BAZ1B: variants seen among roughly 807,000 people sequenced by gnomAD.
The protein encoded by BAZ1B is bromodomain adjacent to zinc finger domain 1B, also known as tyrosine-protein kinase BAZ1B.
Under a neutral mutation model 153.8 loss-of-function variants are expected in BAZ1B, and 22 were observed. The observed-to-expected ratio is 0.14, with a 90% CI of 0.10 to 0.20. BAZ1B has a LOEUF of 0.20. Ranked by LOEUF, BAZ1B falls within the 10% of genes least tolerant of loss-of-function variation. The pLI, the probability that BAZ1B is intolerant of heterozygous loss-of-function variation, is 1.00. For missense variants in BAZ1B, 1,325 were observed against 1,799.3 expected (o/e 0.74, Z 4.77); for synonymous variants, 676 against 633.4 (o/e 1.07, Z -1.01).
chr7:73,453,963 G>GA (rs769885867), intron 13 of BAZ1B, among the ~76,000 whole-genome samples: 20 of 152,146 alleles, frequency 1.3e-4, no homozygotes, highest in Non-Finnish European at 2.9e-4. Flanking sequence ...CTGAGTGACA[G>GA]AGTGAGACCC....
intron 13 of BAZ1B, among the ~76,000 whole-genome samples, chr7:73,452,449 C>T (rs533663630): frequency 5.9e-5 from 9 of 152,094 alleles, no homozygotes; most frequent in Non-Finnish European, 1.0e-4. Flanking sequence ...TTCGGCCGGG[C>T]GTGGTGGCTC....
intron 15 of BAZ1B, among the ~76,000 whole-genome samples, chr7:73,448,480 G>A (rs576948181): frequency 6.6e-6 from 1 of 152,188 alleles, no homozygotes; most frequent in East Asian, 1.9e-4. Flanking sequence ...CTACTCTCAG[G>A]GCATTCATAA....
In BAZ1B at chr7:73,463,101, TAGA is replaced by T; in HGVS notation, c.3072-5_3072-3del. 6.2e-7 allele frequency: 1 copy of T among 1,600,064 alleles called. No individual in the cohort carries two copies. Among genetic ancestry groups the T allele is most frequent in the Non-Finnish European group, 8.5e-7 (1 of 1,174,090 alleles). On this transcript the variant is annotated splice_region_variant and splice_polypyrimidine_tract_variant and intron_variant, in intron 11 of 19. Coordinates refer to ENST00000339594, the MANE Select transcript of BAZ1B (RefSeq NM_032408.4). ...ATAGAGTGAATAATGTCCTGGTACC[TAGA>T]AGATTTGGGACAAGAGAATGGGGAA...
intron 5 of BAZ1B, among the ~76,000 whole-genome samples, chr7:73,490,118 G>A (rs915940277): frequency 6.6e-6 from 1 of 152,088 alleles, no homozygotes; most frequent in African/African-American, 2.4e-5. Flanking sequence ...GAATCATCTA[G>A]GGTACTATTA....
intron 1 of BAZ1B, among the ~76,000 whole-genome samples, chr7:73,515,722 T>G (rs1790771057): frequency 6.6e-6 from 1 of 151,950 alleles, no homozygotes; most frequent in Non-Finnish European, 1.5e-5. Flanking sequence ...ATTTTTTTTG[T>G]AGAGACAGGG....
chr7:73,443,844 TGCCTCCCCA>T, intron 17 of BAZ1B, 131 bp downstream of exon 17: 1 of 1,274,290 alleles, frequency 7.8e-7, no homozygotes, highest in Non-Finnish European at 1.1e-6. Flanking sequence ...CTCACCCATC[TGCCTCCCCA>T]GCCTCCCAAG....
chr7:73,469,087 G>A (rs1451352225), intron 9 of BAZ1B, among the ~76,000 whole-genome samples: 8 of 148,394 alleles, frequency 5.4e-5, no homozygotes, highest in African/African-American at 1.5e-4. Flanking sequence ...CCGAGATCAC[G>A]CCATTGCTCT....
chr7:73,485,091 T>A (rs781954229), intron 6 of BAZ1B, among the ~76,000 whole-genome samples: 1 of 152,126 alleles, frequency 6.6e-6, no homozygotes, highest in Non-Finnish European at 1.5e-5. Flanking sequence ...TTGGAAAATA[T>A]CCTTGATTTT....
chr7:73,503,327 T>C (rs1162625385), intron 3 of BAZ1B, among the ~76,000 whole-genome samples: 2 of 152,158 alleles, frequency 1.3e-5, no homozygotes, highest in Admixed American at 6.6e-5. Context: ...AGTTTAAACA[T>C]ATTTTCATGT....
intron 1 of BAZ1B, 150 bp downstream of exon 1, chr7:73,521,677 C>A: frequency 1.9e-6 from 1 of 515,508 alleles, no homozygotes; most frequent in Non-Finnish European, 3.0e-6. Context: ...CGGGCGCAGG[C>A]TGAGACTCAG....
In BAZ1B at chr7:73,478,227, G is replaced by A. The variant is rs782630485; in HGVS notation, c.1234C>T (p.Leu412=). 1.1e-5 allele frequency: 17 copies of A among 1,614,044 alleles called. No individual in the cohort carries two copies. The highest frequency in any genetic ancestry group is 1.0e-4 in the Admixed American group (6 of 59,990). The change falls in exon 7 of 20, where the codon CTG becomes TTG. Residue 412 remains leucine (L), a synonymous_variant. Transcript: ENST00000339594. ...TTCCCTGTGGATTTCTGTCCATTCA[G>A]GATGCCTTTGCTTCTGCCCTTTGCC... ...LKAKGRSKGI[L]NGQKSTGNSK... is the part of the protein sequence containing the mutation.
chr7:73,482,769 G>A (rs1185452664), intron 6 of BAZ1B, among the ~76,000 whole-genome samples: 2 of 152,134 alleles, frequency 1.3e-5, no homozygotes, highest in African/African-American at 2.4e-5. Context: ...TTCGTAAGGT[G>A]TGTTTTTGTG....
chr7:73,460,192 GAAAAA>G lies in BAZ1B; in HGVS notation c.3250-479_3250-475del, dbSNP rs782211272. Among the ~76,000 whole-genome samples the G allele has an allele frequency of 9.7e-3, 719 of 73,822 alleles. 10 individuals carry two copies. Among genetic ancestry groups the G allele is most frequent in the African/African-American group, 0.034 (703 of 20,430 alleles). 48.4% of individuals were successfully genotyped at this position (73,822 alleles called of 152,430 possible). ...TGACACAGCGAGACTCCGTCTCAGG[GAAAAA>G]AAAAAAAAAAAAAAAAAAAAAGTAC... is the stretch of plus-strand genomic sequence containing the variant. On this transcript the variant is annotated intron_variant, in intron 12 of 19. Coordinates refer to ENST00000339594, the MANE Select transcript of BAZ1B (RefSeq NM_032408.4).
chr7:73,508,562 T>A, intron 2 of BAZ1B, 91 bp from the exon 3 acceptor site: 2 of 1,386,238 alleles, frequency 1.4e-6, no homozygotes, highest in Non-Finnish European at 1.9e-6. Context: ...TTCTTTCTTT[T>A]CCAAACATTT....
At chr7:73,498,052 T>C (rs577211822) in intron 4 of BAZ1B, among the ~76,000 whole-genome samples, 3 of 151,854 alleles carry the variant, frequency 2.0e-5, no homozygotes, top group Non-Finnish European at 4.4e-5. Context: ...CTCCACCTCC[T>C]GGGTTCAAGC....
chr7:73,485,270 A>T (rs1402186736), intron 6 of BAZ1B, among the ~76,000 whole-genome samples: 1 of 152,144 alleles, frequency 6.6e-6, no homozygotes, highest in Non-Finnish European at 1.5e-5. Flanking sequence ...ATTCTGTAAA[A>T]GGGCATCCTG....
intron 13 of BAZ1B, among the ~76,000 whole-genome samples, chr7:73,458,145 C>T (rs141567819): frequency 3.3e-5 from 5 of 152,236 alleles, no homozygotes; most frequent in East Asian, 3.9e-4. Context: ...AGAATAGTCT[C>T]GTGGGACAGA....
chr7:73,458,674 CA>C (rs11385760), intron 13 of BAZ1B, among the ~76,000 whole-genome samples: 109 of 133,816 alleles, frequency 8.1e-4, no homozygotes, highest in East Asian at 3.2e-3. Context: ...ACTCTTTCTC[CA>C]AAAAAAAAAA....
chr7:73,500,664 GT>G (rs1356944210), intron 3 of BAZ1B, among the ~76,000 whole-genome samples: 1 of 152,060 alleles, frequency 6.6e-6, no homozygotes, highest in Non-Finnish European at 1.5e-5. Flanking sequence ...GCTGAAGTGG[GT>G]GGGTCACCTG....
Sources: gnomAD v4.1 joint callset for allele counts (sites outside exome capture counted in the v4.1 genomes callset) on GRCh38, gnomAD v4.1.1 for gene constraint, MANE v1.5 for transcripts, NCBI Gene and HGNC (gene_info 2026-07-23, HGNC 2026-07-21) for gene names.